Variants in PRH1 observed in about 807,000 individuals in gnomAD.
PRH1 encodes salivary acidic proline-rich phosphoprotein 1/2.
PRH1 carries 7 observed loss-of-function variants against 7.9 expected under a neutral mutation model. That is an observed-to-expected ratio of 0.89 (90% confidence interval 0.50 to 1.67). The LOEUF is 1.67. Ranked by LOEUF, PRH1 falls within the 40% of genes most tolerant of loss-of-function variation. The pLI is 0.00. For missense variants in PRH1, 109 were observed against 223.6 expected, an observed-to-expected ratio of 0.49 and a Z score of 3.27; for synonymous variants, 45 against 80.8, an observed-to-expected ratio of 0.56 and a Z score of 2.38.
chr12:10,904,934 A>G (rs941950941), intron 2 of PRH1, among the ~76,000 whole-genome samples: 4 of 152,000 alleles, frequency 2.6e-5, no homozygotes, highest in African/African-American at 9.7e-5. Context: ...GCTCAACATC[A>G]CTAATCATTA....
At chr12:10,906,577 T>C (rs542697598) in intron 2 of PRH1, among the ~76,000 whole-genome samples, 7 of 152,260 alleles carry the variant, frequency 4.6e-5, no homozygotes, top group Admixed American at 3.9e-4. Context: ...AGGGACTCAG[T>C]GGGAGATAAT....
chr12:11,167,549 A>C (rs1947618473), intron 1 of PRH1, among the ~76,000 whole-genome samples: 1 of 149,824 alleles, frequency 6.7e-6, no homozygotes, highest in African/African-American at 2.5e-5. Context: ...GGTTCACACC[A>C]TTCTCCTGCC....
intron 2 of PRH1, among the ~76,000 whole-genome samples, chr12:10,962,442 C>T (rs1348004555): frequency 6.6e-6 from 1 of 152,158 alleles, no homozygotes; most frequent in Non-Finnish European, 1.5e-5. Flanking sequence ...TCCACCTTAT[C>T]TCCATGTTTT....
intron 2 of PRH1, among the ~76,000 whole-genome samples, chr12:10,966,303 T>C (rs1039312115): frequency 1.3e-5 from 2 of 152,208 alleles, no homozygotes; most frequent in Non-Finnish European, 2.9e-5. Flanking sequence ...CTTGCAGTAT[T>C]TTCCCACCAC....
At chr12:10,942,238 G>A (rs1308828229) in intron 2 of PRH1, among the ~76,000 whole-genome samples, 1 of 152,136 alleles carries the variant, frequency 6.6e-6, no homozygotes, top group East Asian at 1.9e-4. Context: ...CATCAGCTGT[G>A]ATAGTATGAA....
At chr12:11,158,949 G>A (rs543446263) in intron 1 of PRH1, 1 of 152,136 alleles carries the variant, frequency 6.6e-6, no homozygotes, top group East Asian at 1.9e-4. Context: ...TCTACCTCAA[G>A]GAAGATCCAA....
chr12:10,998,475 T>G (rs926710708), intron 1 of PRH1, among the ~76,000 whole-genome samples: 2 of 152,090 alleles, frequency 1.3e-5, no homozygotes, highest in African/African-American at 4.8e-5. Context: ...CTCCTTATAA[T>G]TTGGTTGCTG....
chr12:11,092,023 A>G (rs1360866716), intron 1 of PRH1: 1 of 1,484,596 alleles, frequency 6.7e-7, no homozygotes, highest in Non-Finnish European at 9.3e-7. Context: ...GATTCAACAC[A>G]GTTGAATACC....
At position 10,961,050 on chromosome 12, in the gene PRH1, C is replaced by T. The variant is rs145009868; in HGVS notation, c.-59+12605G>A. 3.7e-3 allele frequency among the ~76,000 whole-genome samples: 570 copies of T among 152,294 alleles called. 3 individuals are homozygous for T. The highest frequency in any genetic ancestry group is 0.013 in the African/African-American group (548 of 41,558). On this transcript the variant is annotated intron_variant, in intron 2 of 3. Coordinates refer to the PRH1 transcript ENST00000539853. ...ACCAGAACAAAAAAGGGTTCCATAA[C>T]AGCTATAGGGTCTGGCCTAAGCTGC...
intron 2 of PRH1, among the ~76,000 whole-genome samples, chr12:10,944,677 A>G (rs151093769): frequency 0.02 from 3,004 of 152,202 alleles, 32 homozygotes; most frequent in South Asian, 0.031. Flanking sequence ...CCCATTCAGT[A>G]TGATGTTGGG....
intron 1 of PRH1, among the ~76,000 whole-genome samples, chr12:11,157,532 A>C (rs7314261): frequency 3.0e-4 from 45 of 152,270 alleles, no homozygotes; most frequent in African/African-American, 1.1e-3. Context: ...TATTGACTTT[A>C]TCTCTCTTAT....
At chr12:11,139,235 T>C (rs866124255) in intron 1 of PRH1, among the ~76,000 whole-genome samples, 29 of 152,136 alleles carry the variant, frequency 1.9e-4, no homozygotes, top group African/African-American at 6.7e-4. Context: ...ATACAGAGAG[T>C]AATAAAACCT....
At chr12:10,991,563 C>T (rs10845273) in intron 1 of PRH1, among the ~76,000 whole-genome samples, 46,306 of 151,874 alleles carry the variant, frequency 0.3, 8,915 homozygotes, top group East Asian at 0.74. Context: ...AAAAGGGTTA[C>T]ATAATTTGAT....
chr12:10,940,608 T>C (rs996973663), intron 2 of PRH1, among the ~76,000 whole-genome samples: 6 of 152,128 alleles, frequency 3.9e-5, no homozygotes, highest in Non-Finnish European at 8.8e-5. Flanking sequence ...ATACTCACTC[T>C]CCCAGCAACA....
At chr12:10,946,175 T>C (rs963172836) in intron 2 of PRH1, among the ~76,000 whole-genome samples, 2 of 152,186 alleles carry the variant, frequency 1.3e-5, no homozygotes, top group African/African-American at 4.8e-5. Flanking sequence ...ACAAAGGTAT[T>C]GATTGGGGAA....
chr12:10,897,270 C>T (rs1054623357), intron 2 of PRH1, among the ~76,000 whole-genome samples: 4 of 152,210 alleles, frequency 2.6e-5, no homozygotes, highest in African/African-American at 9.7e-5. Context: ...CAAATGCTCA[C>T]TAGCCACGTG....
chr12:10,956,687 A>G (rs1224442435), intron 2 of PRH1, among the ~76,000 whole-genome samples: 1 of 152,152 alleles, frequency 6.6e-6, no homozygotes, highest in Admixed American at 6.5e-5. Flanking sequence ...TCTGGCCAAA[A>G]TCTCCTTGGT....
chr12:11,047,198 G>C (rs139690484), upstream of PRH1: 3,375 of 341,786 alleles, frequency 9.9e-3, 38 homozygotes, highest in Non-Finnish European at 0.012. Flanking sequence ...CCTATGTCAA[G>C]AAACAAAATA....
chr12:10,903,955 C>CAA (rs1949764954), intron 2 of PRH1, among the ~76,000 whole-genome samples: 1 of 56,040 alleles, frequency 1.8e-5, no homozygotes, highest in Non-Finnish European at 3.4e-5. Context: ...AAAAAAAAAA[C>CAA]AACTAGGACT....
Sources: gnomAD v4.1 joint callset for allele counts (sites outside exome capture counted in the v4.1 genomes callset) on GRCh38, gnomAD v4.1.1 for gene constraint, MANE v1.5 for transcripts, NCBI Gene and HGNC (gene_info 2026-07-23, HGNC 2026-07-21) for gene names.